Variants in ZNF160 observed in about 807,000 individuals in gnomAD.
The protein encoded by ZNF160 is KRAB zinc finger protein KR18.
A neutral mutation model predicts 13.1 loss-of-function variants in ZNF160; 9 were observed. The observed-to-expected ratio is 0.69, with a 90% confidence interval of 0.41 to 1.20. The LOEUF is 1.20. Among genes scored for constraint, ZNF160 ranks in the 50% most tolerant of loss-of-function variants. The pLI is 0.01. For synonymous variants in ZNF160, 293 were observed against 333.2 expected, an observed-to-expected ratio of 0.88 and a Z score of 1.31; for missense variants, 838 against 988.0, an observed-to-expected ratio of 0.85 and a Z score of 2.04.
In ZNF160 at chr19:53,073,351, C is replaced by A. The variant is rs114810540; in HGVS notation, c.271+789G>T. 5,135 of 1,598,008 alleles carry A rather than the reference C, an allele frequency of 3.2e-3. 93 individuals carry two copies. In the African/African-American group the frequency reaches 0.049, roughly 15 times the overall value. Reference sequence around the variant, plus strand: ...TGAGAACAATCTTAGAAGATAGAACCCACTCGCTTATCACACACCCCCATG... The same window carrying A: ...TGAGAACAATCTTAGAAGATAGAACACACTCGCTTATCACACACCCCCATG... On this transcript the variant is annotated intron_variant, in intron 5 of 5. Transcript: ENST00000683776.
chr19:53,093,660 T>C, intron 1 of ZNF160: 1 of 152,118 alleles, frequency 6.6e-6, no homozygotes, highest in Non-Finnish European at 1.5e-5. Flanking sequence ...ATTTAGAAAT[T>C]ATCCAGGTGT....
Position 53,069,133 on chromosome 19 carries a change from G to A in ZNF160, c.1401C>T (p.Asn467=), listed in dbSNP as rs544763610. Residue 467 remains asparagine, a synonymous_variant, in exon 6 of 6, where the codon AAC becomes AAT. Coordinates refer to ENST00000683776, the MANE Select transcript of ZNF160 (RefSeq NM_001322131.2). This position sits in a 1 kb window ranked among gnomAD's most constrained non-coding sequence, Gnocchi z 4.4. ...TATGGATGACCTGATGGGTAGCTAG[G>A]TTTGAATGCATACTGAAGGCTTTGC... ...ECGKAFSMHS[N]LATHQVIHTG... The A allele has an allele frequency of 2.2e-5, 35 of 1,613,834 alleles. No individual in the cohort carries two copies. The highest frequency in any genetic ancestry group is 4.0e-5 in the African/African-American group (3 of 74,852).
rs547713492 is a variant in ZNF160, at chr19:53,084,193, G to A, written c.15+2069C>T. On this transcript the variant is annotated intron_variant, in intron 3 of 5. Transcript: ENST00000683776. ...TTTACAACCCAGTTCTGCCCACGAA[G>A]GCACCAGTGGCTGCCAGCTCAACCC... is the stretch of plus-strand genomic sequence containing the variant. Among the ~76,000 whole-genome samples the A allele has an allele frequency of 1.2e-3, 177 of 152,250 alleles. 1 individual carries two copies. Among genetic ancestry groups the A allele is most frequent in the African/African-American group, 3.3e-3 (136 of 41,562 alleles).
chr19:53,091,399 A>G lies in ZNF160; in HGVS notation c.-46+14T>C, dbSNP rs1324860016. On this transcript the variant is annotated intron_variant, in intron 2 of 5. Transcript: ENST00000683776. ...TGGGAAGCCCAAGTTTAACCTAAAC[A>G]GAGGGAAACTCACGTGTGAGGTCTT... 2.0e-5 allele frequency: 3 copies of G among 152,272 alleles called. No homozygotes were observed. The highest frequency in any genetic ancestry group is 7.2e-5 in the African/African-American group (3 of 41,470). The allele number at this position is 152,272 out of a possible 1,614,324, so 9.4% of individuals were successfully genotyped here.
chr19:53,095,654 TCTTTG>T (rs1301457150), intron 1 of ZNF160: 4 of 152,172 alleles, frequency 2.6e-5, no homozygotes, highest in African/African-American at 9.7e-5. Context: ...GAGTGTCTAG[TCTTTG>T]CTTTGCATAA....
chr19:53,099,162 G>A, intron 1 of ZNF160, among the ~76,000 whole-genome samples: 1 of 152,126 alleles, frequency 6.6e-6, no homozygotes, highest in East Asian at 1.9e-4. Flanking sequence ...TGCGGAGACA[G>A]TGAAACCTGA....
At chr19:53,071,476 C>G (rs1162610416) in intron 5 of ZNF160, among the ~76,000 whole-genome samples, 1 of 143,034 alleles carries the variant, frequency 7.0e-6, no homozygotes, top group Non-Finnish European at 1.5e-5. Context: ...TGCTTGAACT[C>G]AGGAGGTGAG....
rs749289170 is a variant in ZNF160, at chr19:53,069,277, G to A, written c.1257C>T (p.His419=). The change falls in exon 6 of 6, where the codon CAC becomes CAT. Residue 419 remains histidine, a synonymous_variant. Coordinates refer to ENST00000683776, the MANE Select transcript of ZNF160 (RefSeq NM_001322131.2). This position sits in a 1 kb window ranked among gnomAD's most constrained non-coding sequence, Gnocchi z 4.4. Reference sequence around the variant, plus strand: ...TACATTTGTAAGGTTTTTCTCCAGTGTGGATTGTCTGATGGATTGCTAGGC... The same window carrying A: ...TACATTTGTAAGGTTTTTCTCCAGTATGGATTGTCTGATGGATTGCTAGGC... The part of the protein sequence containing the change: ...RSSLAIHQTI[H]TGEKPYKCNE... 3.1e-6 allele frequency: 5 copies of A among 1,611,868 alleles called. No individual in the cohort carries two copies. Among genetic ancestry groups the A allele is most frequent in the Non-Finnish European group, 4.2e-6 (5 of 1,178,740 alleles).
In ZNF160 at chr19:53,066,948, A is replaced by G. The variant is rs1419391478; in HGVS notation, c.*1129T>C. On this transcript the variant is annotated 3_prime_UTR_variant, in exon 6 of 6. Transcript: ENST00000683776. ...AGGCACCTGCCACCACGCCCGGCTA[A>G]TTTTGTATTTTTAGTACAATTGGGG... 4.6e-5 allele frequency: 7 copies of G among 151,828 alleles called. No homozygotes were observed. The highest frequency in any genetic ancestry group is 8.8e-5 in the Non-Finnish European group (6 of 67,974). 9.4% of individuals were successfully genotyped at this position (151,828 alleles called of 1,614,324 possible). A position where few individuals can be genotyped will look rare whatever the true frequency, so the allele number is the denominator to read the frequency against.
intron 1 of ZNF160, among the ~76,000 whole-genome samples, chr19:53,101,699 C>A (rs2085452417): frequency 2.6e-5 from 4 of 152,134 alleles, no homozygotes; most frequent in Admixed American, 2.6e-4. Context: ...ACTGCCCCCA[C>A]CCTACCCCAT....
chr19:53,072,368 G>A (rs1027748518), intron 5 of ZNF160, among the ~76,000 whole-genome samples: 4 of 152,118 alleles, frequency 2.6e-5, no homozygotes, highest in African/African-American at 4.8e-5. Context: ...CCCAAGTGCT[G>A]GGATTATAGG....
chr19:53,085,864 T>TAC (rs1389365373), intron 3 of ZNF160: 4 of 565,628 alleles, frequency 7.1e-6, no homozygotes, highest in Non-Finnish European at 1.2e-5. Flanking sequence ...CCCTTAGTGT[T>TAC]CTTTTCTATG....
chr19:53,094,682 A>G (rs2085154945), intron 1 of ZNF160, among the ~76,000 whole-genome samples: 1 of 152,234 alleles, frequency 6.6e-6, no homozygotes. Context: ...ATTGTTTGAA[A>G]TGTTGGATTA....
rs112060818 is a variant in ZNF160, at chr19:53,085,959, C to T, written c.15+303G>A. The T allele has an allele frequency of 1.2e-3, 1,457 of 1,210,392 alleles. 18 individuals carry two copies. The African/African-American group carries it at 0.018, about 15-fold the overall frequency. 75.0% of individuals were successfully genotyped at this position (1,210,392 alleles called of 1,614,324 possible). On this transcript the variant is annotated intron_variant, in intron 3 of 5. Transcript: ENST00000683776. ...ACAGCGCTGACAGTGCATCCAGATG[C>T]GGCCCCTGAGCAATCCCTGCTGCCC...
chr19:53,067,161 G>A lies in ZNF160; in HGVS notation c.*916C>T, dbSNP rs761949279. 1.3e-5 allele frequency: 2 copies of A among 152,036 alleles called. No homozygotes were observed. Among genetic ancestry groups the A allele is most frequent in the Non-Finnish European group, 2.9e-5 (2 of 68,030 alleles). 9.4% of individuals were successfully genotyped at this position (152,036 alleles called of 1,614,324 possible). A position where few individuals can be genotyped will look rare whatever the true frequency, so the allele number is the denominator to read the frequency against. ...GGTATTGCTCTTTGATGCATAAGAGGGCGACCTTTTCCCCTGCAGTATTTC... is the reference window on the plus strand; with the variant it reads ...GGTATTGCTCTTTGATGCATAAGAGAGCGACCTTTTCCCCTGCAGTATTTC... On this transcript the variant is annotated 3_prime_UTR_variant, in exon 6 of 6. Coordinates refer to ENST00000683776, the MANE Select transcript of ZNF160 (RefSeq NM_001322131.2).
rs550057955 is a variant in ZNF160 at position 53,090,176 on chromosome 19, C to G, written c.-46+1237G>C. 4.6e-5 allele frequency among the ~76,000 whole-genome samples: 7 copies of G among 152,172 alleles called. No individual in the cohort carries two copies. The East Asian group carries it at 1.4e-3, about 30-fold the overall frequency. ...GTCACCAGCTGTCCCGTCTTGCTGTCCCAGCACCACATTGCTGTCTGCCCT... is the reference window on the plus strand; with the variant it reads ...GTCACCAGCTGTCCCGTCTTGCTGTGCCAGCACCACATTGCTGTCTGCCCT... On this transcript the variant is annotated intron_variant, in intron 2 of 5. Transcript: ENST00000683776.
intron 1 of ZNF160, among the ~76,000 whole-genome samples, chr19:53,093,235 T>A (rs1410468377): frequency 6.6e-6 from 1 of 151,460 alleles, no homozygotes; most frequent in Admixed American, 6.6e-5. Flanking sequence ...AGGTCAGGAG[T>A]TCAAAACAAG....
chr19:53,097,919 C>T (rs11670364), intron 1 of ZNF160, among the ~76,000 whole-genome samples: 31,612 of 152,078 alleles, frequency 0.21, 3,882 homozygotes, highest in South Asian at 0.31. Context: ...AGGCGCCCAT[C>T]CTCCTGCTGC....
Position 53,067,924 on chromosome 19 carries a change from T to C in ZNF160, c.*153A>G. The C allele has an allele frequency of 9.2e-7, 1 of 1,090,346 alleles. No individual in the cohort carries two copies. The highest frequency in any genetic ancestry group is 1.3e-6 in the Non-Finnish European group (1 of 771,246). 67.5% of individuals were successfully genotyped at this position (1,090,346 alleles called of 1,614,324 possible). ...CTGGATAGACCCTCTGCCACATATG[T>C]TTACATGATGTCTCTTGCTTATGGC... is the stretch of plus-strand genomic sequence containing the variant. On this transcript the variant is annotated 3_prime_UTR_variant, in exon 6 of 6. Transcript: ENST00000683776.
Sources: allele counts gnomAD v4.1 joint callset (sites outside exome capture counted in the v4.1 genomes callset), GRCh38; gene constraint gnomAD v4.1.1; non-coding constraint Gnocchi (gnomAD v3.1); transcripts MANE v1.5; gene names NCBI Gene and HGNC (gene_info 2026-07-23, HGNC 2026-07-21).